The following CNTN4 variants were observed in gnomAD, a reference collection of about 807,000 sequenced individuals.
CNTN4 encodes contactin-4.
A neutral mutation model predicts 122.5 loss-of-function variants in CNTN4; 77 were observed. The observed-to-expected ratio is 0.63, with a 90% CI of 0.52 to 0.76. CNTN4 has a LOEUF of 0.76. CNTN4 is among the 30% of genes least tolerant of loss of function. The probability of loss-of-function intolerance (pLI) is 0.00; values close to 1 mark genes in which losing one functional copy is unlikely to be tolerated. For synonymous variants in CNTN4, 512 were observed against 447.0 expected, an observed-to-expected ratio of 1.15 and a Z score of -1.83; for missense variants, 1,256 against 1,259.1, an observed-to-expected ratio of 1.00 and a Z score of 0.04.
chr3:2,239,699 A>G (rs917095817), intron 2 of CNTN4, among the ~76,000 whole-genome samples: 4 of 152,192 alleles, frequency 2.6e-5, no homozygotes, highest in Admixed American at 6.5e-5. Context: ...TCTTCTTCTT[A>G]TAATTAATAA....
At chr3:3,011,832 C>G (rs2125509187) in intron 14 of CNTN4, among the ~76,000 whole-genome samples, 1 of 152,236 alleles carries the variant, frequency 6.6e-6, no homozygotes, top group East Asian at 1.9e-4. Context: ...TTATCTTCCT[C>G]TGAAGCTTCC....
intron 2 of CNTN4, among the ~76,000 whole-genome samples, chr3:2,137,685 A>C (rs949737165): frequency 6.6e-6 from 1 of 152,232 alleles, no homozygotes; most frequent in African/African-American, 2.4e-5. Context: ...GTGACAGAAA[A>C]GTGCTGCAGA....
chr3:2,981,362 T>G (rs344389), intron 13 of CNTN4, among the ~76,000 whole-genome samples: 36,927 of 150,784 alleles, frequency 0.24, 4,666 homozygotes, highest in East Asian at 0.3. Context: ...GAGAATGGCG[T>G]GAACCCAGGA....
Position 2,709,436 on chromosome 3 carries a change from A to G in CNTN4, c.56-26779A>G, listed in dbSNP as rs2086973192. ...CACCAGGGATTTTCAAAGTTCCCTC[A>G]GGTGATCATCGTGTGCAATGGGGGA... On this transcript the variant is annotated intron_variant, in intron 4 of 24. Transcript: ENST00000418658. This position sits in a 1 kb window ranked among gnomAD's most constrained non-coding sequence, Gnocchi z 5.0. Among the ~76,000 whole-genome samples the G allele has an allele frequency of 6.6e-6, 1 of 152,066 alleles. No homozygotes were observed.
intron 4 of CNTN4, among the ~76,000 whole-genome samples, chr3:2,724,008 C>T (rs1215515997): frequency 2.6e-5 from 4 of 152,122 alleles, no homozygotes; most frequent in African/African-American, 4.8e-5. Flanking sequence ...TGTAGAGAGC[C>T]TAACCTTATT....
intron 6 of CNTN4, among the ~76,000 whole-genome samples, chr3:2,753,084 A>C (rs529264002): frequency 6.6e-6 from 1 of 152,286 alleles, no homozygotes; most frequent in South Asian, 2.1e-4. Flanking sequence ...ATAAATATGA[A>C]AGTGCCAATA....
chr3:2,368,029 CTTTTT>C (rs549023861), intron 3 of CNTN4, among the ~76,000 whole-genome samples: 8 of 109,794 alleles, frequency 7.3e-5, no homozygotes, highest in African/African-American at 1.1e-4. Context: ...TAGAAAACTT[CTTTTT>C]TTTTTTTTTT....
At chr3:2,148,377 TAAA>T (rs796261700) in intron 2 of CNTN4, among the ~76,000 whole-genome samples, 1 of 142,910 alleles carries the variant, frequency 7.0e-6, no homozygotes, top group Non-Finnish European at 1.5e-5. Context: ...CTACAGAAAA[TAAA>T]AAAAAAAAAT....
chr3:2,308,054 T>G (rs1251621876), intron 2 of CNTN4, among the ~76,000 whole-genome samples: 1 of 152,164 alleles, frequency 6.6e-6, no homozygotes, highest in African/African-American at 2.4e-5. Context: ...AGAAGTTTCT[T>G]GATTACTAAT....
At chr3:2,688,252 GTATTTTCC>G (rs1351959885) in intron 4 of CNTN4, among the ~76,000 whole-genome samples, 1 of 151,928 alleles carries the variant, frequency 6.6e-6, no homozygotes, top group African/African-American at 2.4e-5. Flanking sequence ...TATTTTTTCA[GTATTTTCC>G]TTTGGACCAC....
chr3:2,250,404 C>A lies in CNTN4; in HGVS notation c.-144-88774C>A, dbSNP rs559862940. Among the ~76,000 whole-genome samples, 5 of 151,926 alleles carry A rather than the reference C, an allele frequency of 3.3e-5. 1 individual carries two copies. Among genetic ancestry groups the A allele is most frequent in the East Asian group, 3.9e-4 (2 of 5,160 alleles). On this transcript the variant is annotated intron_variant, in intron 2 of 24. Transcript: ENST00000418658. ...ATTAGATTAAAATTTCAGCTATCAA[C>A]CCTATTAGCAAGTTATTTATGCTGT...
chr3:2,666,887 A>G (rs889220875), intron 4 of CNTN4, among the ~76,000 whole-genome samples: 1 of 152,048 alleles, frequency 6.6e-6, no homozygotes, highest in African/African-American at 2.4e-5. Context: ...GATGGTTTCC[A>G]GCTTCATCCA....
intron 2 of CNTN4, among the ~76,000 whole-genome samples, chr3:2,171,341 G>A (rs1210202299): frequency 6.6e-6 from 1 of 152,148 alleles, no homozygotes; most frequent in Admixed American, 6.5e-5. Context: ...TCATAAAATA[G>A]GATGTAATAT....
chr3:2,334,406 C>A (rs1032820479), intron 2 of CNTN4, among the ~76,000 whole-genome samples: 1 of 152,042 alleles, frequency 6.6e-6, no homozygotes, highest in Non-Finnish European at 1.5e-5. Flanking sequence ...TGATCTGCCC[C>A]CTTCGGCCTT....
At chr3:2,339,497 C>G (rs1462969257) in intron 3 of CNTN4, among the ~76,000 whole-genome samples, 1 of 152,052 alleles carries the variant, frequency 6.6e-6, no homozygotes, top group African/African-American at 2.4e-5. Flanking sequence ...TTTGATAATC[C>G]AAAAATTTTA....
At chr3:2,177,492 A>G (rs1056938059) in intron 2 of CNTN4, among the ~76,000 whole-genome samples, 2 of 152,032 alleles carry the variant, frequency 1.3e-5, no homozygotes, top group African/African-American at 4.8e-5. Context: ...CTCCATACAT[A>G]TGAATTCTTT....
At chr3:2,201,452 CAA>C (rs1486301506) in intron 2 of CNTN4, among the ~76,000 whole-genome samples, 3 of 152,242 alleles carry the variant, frequency 2.0e-5, no homozygotes, top group South Asian at 2.1e-4. Flanking sequence ...TTCAAATAAA[CAA>C]GAGGAGAATT....
intron 4 of CNTN4, among the ~76,000 whole-genome samples, chr3:2,669,601 G>A (rs1042043835): frequency 2.0e-5 from 3 of 152,002 alleles, no homozygotes; most frequent in Non-Finnish European, 4.4e-5. Flanking sequence ...CTTCAGTTCT[G>A]CTCTGATCTT....
intron 6 of CNTN4, among the ~76,000 whole-genome samples, chr3:2,802,167 T>C (rs1368098918): frequency 6.6e-6 from 1 of 152,220 alleles, no homozygotes; most frequent in Admixed American, 6.5e-5. Flanking sequence ...ACCAGTAACA[T>C]GTATCCAGTG....
Sources: gnomAD v4.1 joint callset for allele counts (sites outside exome capture counted in the v4.1 genomes callset) on GRCh38, gnomAD v4.1.1 for gene constraint, Gnocchi (gnomAD v3.1) non-coding constraint, MANE v1.5 for transcripts, NCBI Gene and HGNC (gene_info 2026-07-23, HGNC 2026-07-21) for gene names.